CREBBP: variants seen among roughly 807,000 people sequenced by gnomAD.
CREBBP encodes the protein CREB binding lysine acetyltransferase, also known as CREB-binding protein.
In CREBBP, 19 loss-of-function variants were observed where a neutral mutation model predicts 265.0. The observed-to-expected ratio is 0.07, with a 90% CI of 0.05 to 0.11. CREBBP has a LOEUF of 0.11. Ranked by LOEUF, CREBBP falls within the 10% of genes least tolerant of loss-of-function variation. The pLI is 1.00. For synonymous variants in CREBBP, 1,457 were observed against 1,223.7 expected (o/e 1.19, Z -3.98); for missense variants, 2,525 against 3,219.0 (o/e 0.78, Z 5.22).
In CREBBP at chr16:3,740,476, A is replaced by G. The variant is rs2151340610; in HGVS notation, c.4056T>C (p.Pro1352=). Residue 1352 remains proline (P), a synonymous_variant, in exon 24 of 31, where the codon CCT becomes CCC. Coordinates refer to ENST00000262367, the MANE Select transcript of CREBBP (RefSeq NM_004380.3). ...VNKFLRRQNH[P]EAGEVFVRVV... ...CTCGGACAAAAACCTCCCCGGCTTC[A>G]GGGTGATTCTGGCGCCGCAAAAATT... The G allele has an allele frequency of 6.2e-7, 1 of 1,614,186 alleles. No individual in the cohort carries two copies. The highest frequency in any genetic ancestry group is 8.5e-7 in the Non-Finnish European group (1 of 1,180,030).
chr16:3,755,260 C>T (rs1258706209), intron 19 of CREBBP, among the ~76,000 whole-genome samples: 1 of 152,168 alleles, frequency 6.6e-6, no homozygotes, highest in African/African-American at 2.4e-5. Context: ...ACTTTAATTG[C>T]TCTCAATGTA....
chr16:3,792,275 G>A (rs1199651513), intron 4 of CREBBP, among the ~76,000 whole-genome samples, 181 bp from the exon 5 acceptor site: 2 of 152,154 alleles, frequency 1.3e-5, no homozygotes, highest in Non-Finnish European at 2.9e-5. Context: ...GTTGACTGTT[G>A]AGAAATCCAA....
intron 1 of CREBBP, among the ~76,000 whole-genome samples, chr16:3,871,195 T>TCACA (rs201848866): frequency 6.6e-4 from 52 of 79,108 alleles, no homozygotes; most frequent in South Asian, 3.4e-3. Context: ...TCTCTCTCTC[T>TCACA]CACTCACACA....
rs192964796 is a variant in CREBBP, at chr16:3,725,542, G to T, written c.*2176C>A. 8 of 233,198 alleles carry T rather than the reference G, an allele frequency of 3.4e-5. No homozygotes were observed. The highest frequency in any genetic ancestry group is 1.2e-3 in the Middle Eastern group (1 of 808). The allele number at this position is 233,198 out of a possible 1,614,324, so 14.4% of individuals were successfully genotyped here. ...CTGGAGGTTAAGAACCCAGCAGGCC[G>T]AGCAGTGGCAGCAATCTCCACCGGA... is the stretch of plus-strand genomic sequence containing the variant. On this transcript the variant is annotated 3_prime_UTR_variant, in exon 31 of 31. Coordinates refer to ENST00000262367, the MANE Select transcript of CREBBP (RefSeq NM_004380.3).
intron 5 of CREBBP, among the ~76,000 whole-genome samples, chr16:3,785,166 A>G (rs1421211613): frequency 6.6e-6 from 1 of 152,188 alleles, no homozygotes; most frequent in African/African-American, 2.4e-5. Flanking sequence ...GTCACTATGT[A>G]TAAGCCACCA....
At chr16:3,735,922 T>C in intron 28 of CREBBP, 114 bp downstream of exon 28, 2 of 1,568,398 alleles carry the variant, frequency 1.3e-6, no homozygotes, top group Non-Finnish European at 1.7e-6. Flanking sequence ...CGTGCATGTG[T>C]GAACGGAGAC....
At chr16:3,843,900 G>A (rs1158906249) in intron 2 of CREBBP, among the ~76,000 whole-genome samples, 3 of 151,820 alleles carry the variant, frequency 2.0e-5, no homozygotes, top group African/African-American at 7.3e-5. Context: ...TGTAATCCCA[G>A]CACTTTGGGA....
Position 3,843,373 on chromosome 16 carries a change from A to G in CREBBP, c.798+6924T>C, listed in dbSNP as rs370466108. On this transcript the variant is annotated intron_variant, in intron 2 of 30. Coordinates refer to ENST00000262367, the MANE Select transcript of CREBBP (RefSeq NM_004380.3). ...CGATACTGACCTAAGAGACTACTAA[A>G]AGCCTAAAAGAGCCAATATTTATAG... Among the ~76,000 whole-genome samples the G allele has an allele frequency of 2.6e-5, 4 of 152,264 alleles. No individual in the cohort carries two copies. In the East Asian group the frequency reaches 7.7e-4, roughly 29 times the overall value.
chr16:3,775,594 G>A (rs1018981175), intron 11 of CREBBP, among the ~76,000 whole-genome samples: 3 of 152,150 alleles, frequency 2.0e-5, no homozygotes, highest in African/African-American at 7.2e-5. Flanking sequence ...CTCAAATAAC[G>A]GAGTGCCGAT....
intron 5 of CREBBP, among the ~76,000 whole-genome samples, chr16:3,783,595 T>C (rs989974104): frequency 6.6e-6 from 1 of 152,226 alleles, no homozygotes; most frequent in African/African-American, 2.4e-5. Context: ...CTGTACTTGA[T>C]TGATTGACTG....
intron 1 of CREBBP, among the ~76,000 whole-genome samples, chr16:3,851,677 A>AC (rs1475051733): frequency 6.6e-5 from 10 of 151,522 alleles, no homozygotes; most frequent in Non-Finnish European, 7.4e-5. Context: ...ACACGGTGAA[A>AC]CCCCGTCTCT....
At chr16:3,806,865 C>T (rs983154041) in intron 3 of CREBBP, among the ~76,000 whole-genome samples, 5 of 152,096 alleles carry the variant, frequency 3.3e-5, no homozygotes, top group African/African-American at 7.2e-5. Context: ...CCAGTTCCTA[C>T]GCAAGCCAGT....
intron 2 of CREBBP, among the ~76,000 whole-genome samples, chr16:3,849,417 GTGTGTGTGTGTGTGTGTGTGT>G (rs2054742146): frequency 1.1e-3 from 8 of 7,100 alleles, no homozygotes; most frequent in Admixed American, 2.5e-3. Flanking sequence ...GTGTGTGTGT[GTGTGTGTGTGTGTGTGTGTGT>G]GTGTGTGTGT....
At chr16:3,858,803 C>T (rs1020076375) in intron 1 of CREBBP, among the ~76,000 whole-genome samples, 7 of 152,232 alleles carry the variant, frequency 4.6e-5, no homozygotes, top group African/African-American at 1.7e-4. Context: ...TAGGGGACCA[C>T]CCAAGTATAT....
At chr16:3,817,937 T>G (rs1376544972) in intron 2 of CREBBP, among the ~76,000 whole-genome samples, 1 of 152,192 alleles carries the variant, frequency 6.6e-6, no homozygotes, top group African/African-American at 2.4e-5. Flanking sequence ...ACTTCCTCCA[T>G]GCCCCTCATT....
intron 7 of CREBBP, 73 bp from the exon 8 acceptor site, chr16:3,780,951 C>T: frequency 6.4e-7 from 1 of 1,556,130 alleles, no homozygotes; most frequent in Non-Finnish European, 8.8e-7. Flanking sequence ...TAAGGTTCTT[C>T]TGCCACCACA....
chr16:3,799,797 C>T (rs2053676979), intron 3 of CREBBP, among the ~76,000 whole-genome samples: 1 of 152,130 alleles, frequency 6.6e-6, no homozygotes, highest in Admixed American at 6.5e-5. Context: ...GCCAGCCAAG[C>T]CCTGTCTGAA....
intron 2 of CREBBP, among the ~76,000 whole-genome samples, chr16:3,843,236 T>C (rs1314628309): frequency 6.6e-6 from 1 of 152,164 alleles, no homozygotes; most frequent in Non-Finnish European, 1.5e-5. Flanking sequence ...CTTCTTAATC[T>C]GTAACATGTG....
intron 2 of CREBBP, among the ~76,000 whole-genome samples, chr16:3,835,134 G>A (rs2054419116): frequency 6.6e-6 from 1 of 152,080 alleles, no homozygotes; most frequent in South Asian, 2.1e-4. Context: ...ACTCCGGCCT[G>A]GGCAAAAGAG....
Sources: gnomAD v4.1 joint callset for allele counts (sites outside exome capture counted in the v4.1 genomes callset) on GRCh38, gnomAD v4.1.1 for gene constraint, MANE v1.5 for transcripts, NCBI Gene and HGNC (gene_info 2026-07-23, HGNC 2026-07-21) for gene names.